ATXN7L1: variants seen among roughly 807,000 people sequenced by gnomAD.
ATXN7L1 encodes ataxin 7 like 1.
In ATXN7L1, 15 loss-of-function variants were observed where a neutral mutation model predicts 70.8. The observed-to-expected ratio is 0.21, with a 90% CI of 0.14 to 0.33. ATXN7L1 has a LOEUF of 0.33. ATXN7L1 is among the 10% of genes least tolerant of loss of function. The pLI is 1.00. For missense variants in ATXN7L1, 975 were observed against 1,097.1 expected (o/e 0.89, Z 1.57); for synonymous variants, 440 against 445.1 (o/e 0.99, Z 0.14).
intron 5 of ATXN7L1, among the ~76,000 whole-genome samples, chr7:105,641,201 T>C (rs1798130863): frequency 1.0e-5 from 1 of 96,650 alleles, no homozygotes; most frequent in Non-Finnish European, 2.3e-5. Flanking sequence ...CTTTTCTCTC[T>C]CTCTCTCTCT....
intron 3 of ATXN7L1, among the ~76,000 whole-genome samples, chr7:105,783,213 T>C (rs1227731114): frequency 6.6e-6 from 1 of 152,236 alleles, no homozygotes; most frequent in South Asian, 2.1e-4. Context: ...TTTTCCACTA[T>C]GACATTCTAT....
chr7:105,827,595 T>C (rs1487408532), intron 2 of ATXN7L1, among the ~76,000 whole-genome samples: 1 of 152,196 alleles, frequency 6.6e-6, no homozygotes, highest in East Asian at 1.9e-4. Flanking sequence ...GGCTGACTTT[T>C]CATATATTCG....
chr7:105,758,856 T>C (rs1800141623), intron 3 of ATXN7L1, among the ~76,000 whole-genome samples: 1 of 152,098 alleles, frequency 6.6e-6, no homozygotes, highest in Admixed American at 6.5e-5. Flanking sequence ...ACTCAACATC[T>C]GAACACAGGA....
intron 2 of ATXN7L1, among the ~76,000 whole-genome samples, chr7:105,824,750 T>C (rs1810624424): frequency 6.6e-6 from 1 of 151,778 alleles, no homozygotes; most frequent in African/African-American, 2.4e-5. Context: ...TTTTCCAGAA[T>C]TGAAGAATAT....
chr7:105,836,083 T>C (rs1812329759), intron 2 of ATXN7L1, among the ~76,000 whole-genome samples: 1 of 151,806 alleles, frequency 6.6e-6, no homozygotes, highest in Non-Finnish European at 1.5e-5. Context: ...ATCCCCAGAG[T>C]AAATTAAAAG....
chr7:105,840,153 T>C (rs747813116), intron 2 of ATXN7L1, among the ~76,000 whole-genome samples: 1 of 152,164 alleles, frequency 6.6e-6, no homozygotes, highest in Non-Finnish European at 1.5e-5. Flanking sequence ...TGAGGGGCTG[T>C]ATGCCAACTT....
chr7:105,703,231 G>A (rs754963127), intron 3 of ATXN7L1, among the ~76,000 whole-genome samples: 3 of 151,940 alleles, frequency 2.0e-5, no homozygotes, highest in Non-Finnish European at 4.4e-5. Context: ...CTTGAACCCA[G>A]GAGGCAGAGG....
intron 2 of ATXN7L1, among the ~76,000 whole-genome samples, chr7:105,871,880 T>A (rs909533503): frequency 5.3e-5 from 8 of 151,992 alleles, no homozygotes; most frequent in African/African-American, 1.9e-4. Context: ...TGAAAGAAAG[T>A]TTAAAGGGGT....
intron 3 of ATXN7L1, among the ~76,000 whole-genome samples, chr7:105,692,207 G>A (rs1790979163): frequency 6.6e-6 from 1 of 152,172 alleles, no homozygotes. Context: ...GTTATTAGCA[G>A]AAGGAACTGG....
chr7:105,875,176 C>G (rs1011376930), intron 2 of ATXN7L1: 4 of 152,714 alleles, frequency 2.6e-5, no homozygotes, highest in African/African-American at 9.7e-5. Context: ...TCTTGCATAT[C>G]TTGGTCTGGG....
At chr7:105,698,178 G>A (rs932429049) in intron 3 of ATXN7L1, among the ~76,000 whole-genome samples, 1 of 152,098 alleles carries the variant, frequency 6.6e-6, no homozygotes, top group Admixed American at 6.6e-5. Context: ...TCCGCACTCA[G>A]CTCAACACGC....
intron 2 of ATXN7L1, among the ~76,000 whole-genome samples, chr7:105,790,470 A>T (rs751003967): frequency 6.6e-6 from 1 of 152,022 alleles, no homozygotes; most frequent in Non-Finnish European, 1.5e-5. Flanking sequence ...AGTCTCAGCT[A>T]CTCAGGGGGC....
chr7:105,631,343 G>A (rs1796568919), intron 7 of ATXN7L1, among the ~76,000 whole-genome samples: 1 of 152,118 alleles, frequency 6.6e-6, no homozygotes, highest in Non-Finnish European at 1.5e-5. Context: ...TCATAGGTGA[G>A]GTGAGGACTA....
chr7:105,677,211 G>T (rs1804816832), intron 3 of ATXN7L1, among the ~76,000 whole-genome samples: 1 of 152,222 alleles, frequency 6.6e-6, no homozygotes, highest in South Asian at 2.1e-4. Flanking sequence ...ATGAGCTTCG[G>T]GAGTCACTGG....
chr7:105,620,012 T>C lies in ATXN7L1; in HGVS notation c.1517+188A>G, dbSNP rs564883709. 7.3e-4 allele frequency among the ~76,000 whole-genome samples: 111 copies of C among 152,350 alleles called. 2 individuals are homozygous for C. The South Asian group carries it at 0.011, about 15-fold the overall frequency. ...AAAAGACAAAGCATGTAACACATCA[T>C]TCGTGTTTCTCAAAACCTTCAGGCA... is the stretch of plus-strand genomic sequence containing the variant. On this transcript the variant is annotated intron_variant, in intron 9 of 11. Coordinates refer to ENST00000419735, the MANE Select transcript of ATXN7L1 (RefSeq NM_020725.2).
intron 2 of ATXN7L1, among the ~76,000 whole-genome samples, chr7:105,827,649 G>T (rs541505522): frequency 1.7e-4 from 26 of 152,254 alleles, no homozygotes; most frequent in East Asian, 5.8e-4. Context: ...GCATGGATTT[G>T]GTATACCCAG....
intron 11 of ATXN7L1, among the ~76,000 whole-genome samples, chr7:105,609,357 C>G (rs547414662): frequency 6.6e-6 from 1 of 151,980 alleles, no homozygotes; most frequent in African/African-American, 2.4e-5. Context: ...TTAGTAGAGA[C>G]GGGGTTTCAC....
chr7:105,740,951 AG>A (rs1797959304), intron 3 of ATXN7L1, among the ~76,000 whole-genome samples: 1 of 151,726 alleles, frequency 6.6e-6, no homozygotes, highest in African/African-American at 2.4e-5. Context: ...TTTTTAGTAG[AG>A]ATGGGTTTTC....
At chr7:105,683,026 G>A (rs540602342) in intron 3 of ATXN7L1, among the ~76,000 whole-genome samples, 2 of 152,338 alleles carry the variant, frequency 1.3e-5, no homozygotes, top group Admixed American at 6.5e-5. Context: ...CAAGATAACT[G>A]AGTTACCTTT....
Sources: allele counts gnomAD v4.1 joint callset (sites outside exome capture counted in the v4.1 genomes callset), GRCh38; gene constraint gnomAD v4.1.1; transcripts MANE v1.5; gene names NCBI Gene and HGNC (gene_info 2026-07-23, HGNC 2026-07-21).